The following ZNF33A variants were observed in gnomAD, a reference collection of about 807,000 sequenced individuals.
The protein encoded by ZNF33A is brain my041 protein.
A neutral mutation model predicts 15.9 loss-of-function variants in ZNF33A; 9 were observed. The ratio of observed to expected loss-of-function variants is 0.57; its 90% confidence interval spans 0.34 to 0.99. ZNF33A has a LOEUF of 0.99. ZNF33A is among the 50% of genes least tolerant of loss of function. The pLI is 0.02. For missense variants in ZNF33A, 843 were observed against 941.6 expected, an observed-to-expected ratio of 0.90 and a Z score of 1.37; for synonymous variants, 294 against 324.2, an observed-to-expected ratio of 0.91 and a Z score of 1.00.
At chr10:38,060,431 C>T (rs1564891541), downstream of ZNF33A, among the ~76,000 whole-genome samples, 1 of 152,166 alleles carries the variant, frequency 6.6e-6, no homozygotes, top group South Asian at 2.1e-4. Flanking sequence ...CCACAGCAAA[C>T]AGTGGTCACT....
chr10:38,037,572 C>A (rs2135673766), intron 4 of ZNF33A, among the ~76,000 whole-genome samples: 1 of 152,230 alleles, frequency 6.6e-6, no homozygotes, highest in Non-Finnish European at 1.5e-5. Context: ...GATCTGCCTG[C>A]CTCAGCCTCC....
At chr10:38,050,842 G>A (rs552973042) in intron 4 of ZNF33A, among the ~76,000 whole-genome samples, 2 of 152,320 alleles carry the variant, frequency 1.3e-5, no homozygotes, top group Admixed American at 6.5e-5. Flanking sequence ...TGTCAGTAAA[G>A]TATTAGAAAA....
chr10:38,034,686 A>T (rs1244964724), intron 4 of ZNF33A, among the ~76,000 whole-genome samples: 3 of 152,212 alleles, frequency 2.0e-5, no homozygotes, highest in Non-Finnish European at 2.9e-5. Context: ...GTGGAGATAT[A>T]TGAATTTTGT....
intron 4 of ZNF33A, among the ~76,000 whole-genome samples, chr10:38,029,214 T>C (rs1011620556): frequency 2.4e-4 from 37 of 152,338 alleles, no homozygotes; most frequent in African/African-American, 7.0e-4. Context: ...AAGACACCCT[T>C]TAGTGCTTCC....
At chr10:38,024,174 A>AAAG (rs2135583570) in intron 4 of ZNF33A, among the ~76,000 whole-genome samples, 1 of 143,584 alleles carries the variant, frequency 7.0e-6, no homozygotes, top group Admixed American at 7.2e-5. Context: ...AAAAAAAAAA[A>AAAG]AAAAAAAGAA....
intron 4 of ZNF33A, among the ~76,000 whole-genome samples, chr10:38,018,752 G>C (rs576067820): frequency 7.9e-5 from 12 of 152,188 alleles, no homozygotes; most frequent in African/African-American, 2.4e-4. Context: ...AATAACAAAA[G>C]AACTAACATT....
chr10:38,057,070 A>G lies in ZNF33A; in HGVS notation c.*510A>G, dbSNP rs187236266. On this transcript the variant is annotated 3_prime_UTR_variant, in exon 5 of 5. Transcript: ENST00000432900. The stretch of plus-strand genomic sequence containing the variant: ...AAGAAATCGATGTTACCTTGCTGGT[A>G]GATAGAGACTTAGTCAGATTTTACT... 1 of 647,946 alleles carries G rather than the reference A, an allele frequency of 1.5e-6. No individual in the cohort carries two copies. Among genetic ancestry groups the G allele is most frequent in the African/African-American group, 2.0e-5 (1 of 51,042 alleles). 40.1% of individuals were successfully genotyped at this position (647,946 alleles called of 1,614,324 possible).
intron 4 of ZNF33A, among the ~76,000 whole-genome samples, chr10:38,031,069 CTA>C (rs2065191180): frequency 6.6e-6 from 1 of 152,108 alleles, no homozygotes; most frequent in African/African-American, 2.4e-5. Context: ...TCACAAAAAT[CTA>C]TACCTGTGGC....
At chr10:38,021,720 T>C (rs1255645411) in intron 4 of ZNF33A, among the ~76,000 whole-genome samples, 2 of 152,166 alleles carry the variant, frequency 1.3e-5, no homozygotes, top group South Asian at 4.1e-4. Context: ...TTCAGAAAGA[T>C]AGACCATATT....
At chr10:38,035,898 C>A (rs2065431014) in intron 4 of ZNF33A, among the ~76,000 whole-genome samples, 2 of 152,228 alleles carry the variant, frequency 1.3e-5, no homozygotes, top group South Asian at 4.1e-4. Flanking sequence ...TTCTGTGCAA[C>A]ATTTAAGGAA....
chr10:38,021,921 T>C (rs1310506345), intron 4 of ZNF33A, among the ~76,000 whole-genome samples: 6 of 152,170 alleles, frequency 3.9e-5, no homozygotes, highest in African/African-American at 7.2e-5. Context: ...TCAAATTCAA[T>C]AGTAGAAATG....
In ZNF33A at chr10:38,058,599, CT is replaced by C. The variant is rs756847457; in HGVS notation, c.*2040del. 1.3e-5 allele frequency: 2 copies of C among 151,980 alleles called. No individual in the cohort carries two copies. Among genetic ancestry groups the C allele is most frequent in the Non-Finnish European group, 2.9e-5 (2 of 67,986 alleles). 9.4% of individuals were successfully genotyped at this position (151,980 alleles called of 1,614,324 possible). On this transcript the variant is annotated 3_prime_UTR_variant, in exon 5 of 5. Coordinates refer to ENST00000432900, the MANE Select transcript of ZNF33A (RefSeq NM_006954.2). ...AGCCTGGTCAACATGGTGAAACCCC[CT>C]ATCTACTAAAAATACAAAAAATTAG... is the stretch of plus-strand genomic sequence containing the variant.
chr10:38,039,015 G>T (rs1404935443), intron 4 of ZNF33A, among the ~76,000 whole-genome samples: 7 of 152,100 alleles, frequency 4.6e-5, no homozygotes, highest in Non-Finnish European at 2.9e-5. Context: ...CTGTAATCAT[G>T]ACACATGGAT....
At chr10:38,012,207 T>C (rs1294797755) in intron 1 of ZNF33A, 91 bp from the exon 2 acceptor site, 3 of 1,285,118 alleles carry the variant, frequency 2.3e-6, no homozygotes, top group Non-Finnish European at 3.3e-6. Context: ...TTTTACCTAG[T>C]GGGTGTGTAT....
downstream of ZNF33A, among the ~76,000 whole-genome samples, chr10:38,061,032 G>A (rs1230493702): frequency 6.6e-6 from 1 of 152,138 alleles, no homozygotes; most frequent in Non-Finnish European, 1.5e-5. Context: ...GACAGTCACT[G>A]TACAGTGACG....
At chr10:38,036,500 A>G (rs1041867716) in intron 4 of ZNF33A, among the ~76,000 whole-genome samples, 1 of 152,140 alleles carries the variant, frequency 6.6e-6, no homozygotes, top group East Asian at 1.9e-4. Context: ...GAAGAAAACC[A>G]TATCATGTCA....
intron 4 of ZNF33A, among the ~76,000 whole-genome samples, chr10:38,041,187 G>C (rs1330932739): frequency 6.6e-6 from 1 of 152,042 alleles, no homozygotes; most frequent in Non-Finnish European, 1.5e-5. Flanking sequence ...ATAGCACATA[G>C]AGGTGAGGTC....
intron 4 of ZNF33A, among the ~76,000 whole-genome samples, chr10:38,037,828 T>G (rs1055196449): frequency 6.6e-6 from 1 of 152,220 alleles, no homozygotes; most frequent in African/African-American, 2.4e-5. Flanking sequence ...TCTACTTCTT[T>G]TTTAAGATTG....
At chr10:38,041,790 A>G (rs2065711282) in intron 4 of ZNF33A, among the ~76,000 whole-genome samples, 1 of 152,224 alleles carries the variant, frequency 6.6e-6, no homozygotes, top group Non-Finnish European at 1.5e-5. Flanking sequence ...CAAGCATTTC[A>G]GATAAGGGAT....
Sources: allele counts gnomAD v4.1 joint callset (sites outside exome capture counted in the v4.1 genomes callset), GRCh38; gene constraint gnomAD v4.1.1; transcripts MANE v1.5; gene names NCBI Gene and HGNC (gene_info 2026-07-23, HGNC 2026-07-21).